Variants in MIF observed in about 807,000 individuals in gnomAD.
MIF encodes the protein macrophage migration inhibitory factor.
MIF carries 16 observed loss-of-function variants against 11.3 expected under a neutral mutation model. The ratio of observed to expected loss-of-function variants is 1.42; its 90% CI spans 0.96 to 2.16. The LOEUF (loss-of-function observed/expected upper bound fraction) is 2.16, where lower values mean the gene tolerates loss of function less well. Ranked by LOEUF, MIF falls within the 30% of genes most tolerant of loss-of-function variation. The probability of loss-of-function intolerance (pLI) is 0.00; values close to 1 mark genes in which losing one functional copy is unlikely to be tolerated. For missense variants in MIF, 229 were observed against 165.3 expected, an observed-to-expected ratio of 1.39 and a Z score of -2.11; for synonymous variants, 83 against 74.2, an observed-to-expected ratio of 1.12 and a Z score of -0.61.
chr22:23,894,497 C>A lies in MIF; in HGVS notation c.23C>A (p.Thr8Asn). MPMFIVNTNVPRASVPDG... is the reference protein window; with the variant it reads MPMFIVNNNVPRASVPDG... The stretch of plus-strand genomic sequence containing the variant: ...ATCATGCCGATGTTCATCGTAAACA[C>A]CAACGTGCCCCGCGCCTCCGTGCCG... The change falls in exon 1 of 3, where the codon ACC becomes AAC. Residue 8 changes from threonine (T) to asparagine (N), a missense_variant. Transcript: ENST00000215754. 1.2e-6 allele frequency: 2 copies of A among 1,613,212 alleles called. No individual in the cohort carries two copies. Among genetic ancestry groups the A allele is most frequent in the Non-Finnish European group, 1.7e-6 (2 of 1,179,810 alleles).
At chr22:23,894,744 G>A (rs1325507846) in intron 1 of MIF, 28 bp from the exon 2 acceptor site, 4 of 1,498,606 alleles carry the variant, frequency 2.7e-6, no homozygotes, top group Non-Finnish European at 3.6e-6. Flanking sequence ...GGTCGCTGGG[G>A]CGGGCTGACC....
intron 1 of MIF, 90 bp downstream of exon 1, chr22:23,894,672 G>T: frequency 2.4e-5 from 36 of 1,480,254 alleles, no homozygotes; most frequent in Non-Finnish European, 3.3e-5. Context: ...GAACGGAGCT[G>T]GGGGGCGGGG....
At position 23,895,223 on chromosome 22, in the gene MIF, A is replaced by C. The variant is rs2033138646; in HGVS notation, c.*117A>C. ...GGGAGAAATAAACGGTTTAGAGACT[A>C]GGAGTGCCTCGGGGTTCCTTGGCTT... On this transcript the variant is annotated 3_prime_UTR_variant, in exon 3 of 3. Coordinates refer to ENST00000215754, the MANE Select transcript of MIF (RefSeq NM_002415.2). 3.5e-6 allele frequency: 4 copies of C among 1,127,506 alleles called. No homozygotes were observed. In the East Asian group the frequency reaches 7.7e-5, roughly 22 times the overall value. 69.8% of individuals were successfully genotyped at this position (1,127,506 alleles called of 1,614,324 possible). A position where few individuals can be genotyped will look rare whatever the true frequency, so the allele number is the denominator to read the frequency against.
chr22:23,894,732 G>A (rs2033123272), intron 1 of MIF, 40 bp from the exon 2 acceptor site: 2 of 1,488,458 alleles, frequency 1.3e-6, no homozygotes, highest in Admixed American at 2.2e-5. Context: ...GGGGCCCGAC[G>A]AGGTCGCTGG....
In MIF at chr22:23,894,798, C is replaced by T. The variant is rs2033125121; in HGVS notation, c.135C>T (p.Asp45=). 1 of 1,553,230 alleles carries T rather than the reference C, an allele frequency of 6.4e-7. No individual in the cohort carries two copies. Residue 45 remains aspartate, a synonymous_variant, in exon 2 of 3, where the codon GAC becomes GAT. Transcript: ENST00000215754. The stretch of plus-strand genomic sequence containing the variant: ...ACATCGCGGTGCACGTGGTCCCGGA[C>T]CAGCTCATGGCCTTCGGCGGCTCCA... The part of the protein sequence containing the change: ...PQYIAVHVVP[D]QLMAFGGSSE...
chr22:23,895,203 A>G lies in MIF; in HGVS notation c.*97A>G, dbSNP rs201308167. 1.5e-6 allele frequency: 2 copies of G among 1,295,714 alleles called. No individual in the cohort carries two copies. The highest frequency in any genetic ancestry group is 2.2e-6 in the Non-Finnish European group (2 of 913,910). 80.3% of individuals were successfully genotyped at this position (1,295,714 alleles called of 1,614,324 possible). ...CCCACCCCAACCTTCTGGTGGGGAG[A>G]AATAAACGGTTTAGAGACTAGGAGT... On this transcript the variant is annotated 3_prime_UTR_variant, in exon 3 of 3. Coordinates refer to ENST00000215754, the MANE Select transcript of MIF (RefSeq NM_002415.2).
In MIF at chr22:23,895,136, G is replaced by A; in HGVS notation, c.*30G>A. The A allele has an allele frequency of 3.2e-6, 5 of 1,550,184 alleles. No individual in the cohort carries two copies. The highest frequency in any genetic ancestry group is 4.4e-6 in the Non-Finnish European group (5 of 1,145,766). ...CGCAGGGACCCACGCTGTCTGCGCTGGCTCCACCCGGGAACCCGCCGCACG... is the reference window on the plus strand; with the variant it reads ...CGCAGGGACCCACGCTGTCTGCGCTAGCTCCACCCGGGAACCCGCCGCACG... On this transcript the variant is annotated 3_prime_UTR_variant, in exon 3 of 3. Coordinates refer to ENST00000215754, the MANE Select transcript of MIF (RefSeq NM_002415.2).
rs200992026 is a variant in MIF at position 23,894,434 on chromosome 22, C to A, written c.-41C>A. 6.6e-7 allele frequency: 1 copy of A among 1,515,414 alleles called. No individual in the cohort carries two copies. The highest frequency in any genetic ancestry group is 9.2e-7 in the Non-Finnish European group (1 of 1,092,654). 93.9% of individuals were successfully genotyped at this position (1,515,414 alleles called of 1,614,324 possible). A position where few individuals can be genotyped will look rare whatever the true frequency, so the allele number is the denominator to read the frequency against. On this transcript the variant is annotated 5_prime_UTR_variant, in exon 1 of 3. Coordinates refer to ENST00000215754, the MANE Select transcript of MIF (RefSeq NM_002415.2). Reference sequence around the variant, plus strand: ...AGCTCAGCGGCGGCCGCGGCGCGTGCGTCTGTGCCTCTGCGCGGGTCTCCT... The same window carrying A: ...AGCTCAGCGGCGGCCGCGGCGCGTGAGTCTGTGCCTCTGCGCGGGTCTCCT...
At position 23,894,590 on chromosome 22, in the gene MIF, G is replaced by C; in HGVS notation, c.108+8G>C. 6.2e-7 allele frequency: 1 copy of C among 1,611,164 alleles called. No individual in the cohort carries two copies. On this transcript the variant is annotated splice_region_variant and intron_variant, in intron 1 of 2. Coordinates refer to ENST00000215754, the MANE Select transcript of MIF (RefSeq NM_002415.2). The stretch of plus-strand genomic sequence containing the variant: ...ACCGGCAAGCCCCCCCAGGTTTGCC[G>C]GGAGGGGACAGGAAGAGGGGGGTGC...
At position 23,894,940 on chromosome 22, in the gene MIF, G is replaced by C. The variant is rs1231694727; in HGVS notation, c.277G>C (p.Asp93His). 1.9e-6 allele frequency: 3 copies of C among 1,553,462 alleles called. No homozygotes were observed. Among genetic ancestry groups the C allele is most frequent in the Admixed American group, 3.9e-5 (2 of 51,420 alleles). Residue 93 changes from aspartate to histidine, a missense_variant, in exon 2 of 3, where the codon GAC (aspartate) becomes CAC (histidine). Coordinates refer to ENST00000215754, the MANE Select transcript of MIF (RefSeq NM_002415.2). ...LLAERLRISP[D>H]RVYINYYDMN... ...GGCCGAGCGCCTGCGCATCAGCCCG[G>C]ACAGGTACGCGGAGTCGCGGAGGGG...
rs1028185376 is a variant in MIF, at chr22:23,894,400, C to T, written c.-75C>T. On this transcript the variant is annotated 5_prime_UTR_variant, in exon 1 of 3. Transcript: ENST00000215754. ...GGGACCACAGTGGTGTCCGAGAAGT[C>T]AGGCACGTAGCTCAGCGGCGGCCGC... The T allele has an allele frequency of 1.6e-6, 2 of 1,244,396 alleles. No homozygotes were observed. Among genetic ancestry groups the T allele is most frequent in the African/African-American group, 2.9e-5 (2 of 67,820 alleles). The allele number at this position is 1,244,396 out of a possible 1,614,324, so 77.1% of individuals were successfully genotyped here.
Position 23,894,884 on chromosome 22 carries a change from G to T in MIF, c.221G>T (p.Arg74Leu). 1 of 1,552,998 alleles carries T rather than the reference G, an allele frequency of 6.4e-7. No homozygotes were observed. Among genetic ancestry groups the T allele is most frequent in the South Asian group, 1.2e-5 (1 of 84,684 alleles). The change falls in exon 2 of 3, where the codon CGC becomes CTC. Residue 74 changes from arginine to leucine, a missense_variant. Arg to Leu is a moderately radical substitution (Grantham distance 102). Coordinates refer to ENST00000215754, the MANE Select transcript of MIF (RefSeq NM_002415.2). Reference sequence around the variant, plus strand: ...GGCAAGATCGGCGGCGCGCAGAACCGCTCCTACAGCAAGCTGCTGTGCGGC... The same window carrying T: ...GGCAAGATCGGCGGCGCGCAGAACCTCTCCTACAGCAAGCTGCTGTGCGGC... ...SIGKIGGAQN[R>L]SYSKLLCGLL...
rs200931484 is a variant in MIF, at chr22:23,894,770, A to G, written c.109-2A>G. On this transcript the variant is annotated splice_acceptor_variant, in intron 1 of 2. Coordinates refer to ENST00000215754, the MANE Select transcript of MIF (RefSeq NM_002415.2). LOFTEE classifies it high-confidence loss of function. ...CGGGCTGACCGCGCCCTTTCCTCGC[A>G]GTACATCGCGGTGCACGTGGTCCCG... 5.4e-5 allele frequency: 82 copies of G among 1,529,044 alleles called. No individual in the cohort carries two copies. Among genetic ancestry groups the G allele is most frequent in the Non-Finnish European group, 6.1e-5 (70 of 1,140,334 alleles). 94.7% of individuals were successfully genotyped at this position (1,529,044 alleles called of 1,614,324 possible).
At position 23,894,464 on chromosome 22, in the gene MIF, C is replaced by T. The variant is rs767895810; in HGVS notation, c.-11C>T. On this transcript the variant is annotated 5_prime_UTR_variant, in exon 1 of 3. Transcript: ENST00000215754. ...GTGCCTCTGCGCGGGTCTCCTGGTC[C>T]TTCTGCCATCATGCCGATGTTCATC... 4.3e-6 allele frequency: 7 copies of T among 1,610,910 alleles called. No homozygotes were observed. Among genetic ancestry groups the T allele is most frequent in the African/African-American group, 4.0e-5 (3 of 74,880 alleles).
rs1254499336 is a variant in MIF, at chr22:23,894,584, T to C, written c.108+2T>C. On this transcript the variant is annotated splice_donor_variant, in intron 1 of 2. Transcript: ENST00000215754. LOFTEE classifies it high-confidence loss of function. ...CAGGCCACCGGCAAGCCCCCCCAGG[T>C]TTGCCGGGAGGGGACAGGAAGAGGG... 1 of 1,611,540 alleles carries C rather than the reference T, an allele frequency of 6.2e-7. No homozygotes were observed. Among genetic ancestry groups the C allele is most frequent in the Non-Finnish European group, 8.5e-7 (1 of 1,179,018 alleles).
chr22:23,894,514 T>G lies in MIF; in HGVS notation c.40T>G (p.Ser14Ala), dbSNP rs1187914662. The change falls in exon 1 of 3, where the codon TCC becomes GCC. Residue 14 changes from serine to alanine, a missense_variant. Ser to Ala is a moderately conservative substitution (Grantham distance 99). Coordinates refer to ENST00000215754, the MANE Select transcript of MIF (RefSeq NM_002415.2). ...CGTAAACACCAACGTGCCCCGCGCC[T>G]CCGTGCCGGACGGGTTCCTCTCCGA... ...FIVNTNVPRA[S>A]VPDGFLSELT... 1 of 1,613,092 alleles carries G rather than the reference T, an allele frequency of 6.2e-7. No homozygotes were observed. The highest frequency in any genetic ancestry group is 2.2e-5 in the East Asian group (1 of 44,876).
At position 23,894,383 on chromosome 22, in the gene MIF, A is replaced by G; in HGVS notation, c.-92A>G. On this transcript the variant is annotated 5_prime_UTR_variant, in exon 1 of 3. Coordinates refer to ENST00000215754, the MANE Select transcript of MIF (RefSeq NM_002415.2). ...GTGGCGTCACAAAAGGCGGGACCAC[A>G]GTGGTGTCCGAGAAGTCAGGCACGT... 9.4e-7 allele frequency: 1 copy of G among 1,066,394 alleles called. No homozygotes were observed. The highest frequency in any genetic ancestry group is 1.4e-6 in the Non-Finnish European group (1 of 694,624). The allele number at this position is 1,066,394 out of a possible 1,614,324, so 66.1% of individuals were successfully genotyped here. A position where few individuals can be genotyped will look rare whatever the true frequency, so the allele number is the denominator to read the frequency against.
Position 23,895,045 on chromosome 22 carries a change from A to G in MIF, c.287A>G (p.Tyr96Cys). ...ERLRISPDRV[Y>C]INYYDMNAAN... ...CCGGCCTCCTCCCCCCGCAGGGTCT[A>G]CATCAACTATTACGACATGAACGCG... Residue 96 changes from tyrosine to cysteine, a missense_variant, in exon 3 of 3, where the codon TAC (tyrosine) becomes TGC (cysteine). Transcript: ENST00000215754. The G allele has an allele frequency of 6.4e-7, 1 of 1,554,614 alleles. No homozygotes were observed.
Position 23,895,015 on chromosome 22 carries a change from T to G in MIF, c.282-25T>G, listed in dbSNP as rs539357375. 2.6e-6 allele frequency: 4 copies of G among 1,541,212 alleles called. No individual in the cohort carries two copies. The East Asian group carries it at 9.8e-5, about 38-fold the overall frequency. On this transcript the variant is annotated intron_variant, in intron 2 of 2. Coordinates refer to ENST00000215754, the MANE Select transcript of MIF (RefSeq NM_002415.2). ...CCAGGCCCGGGACTGAGCCACCCGC[T>G]GAGTCCGGCCTCCTCCCCCCGCAGG...
Sources: allele counts gnomAD v4.1 joint callset, GRCh38; gene constraint gnomAD v4.1.1; transcripts MANE v1.5; gene names NCBI Gene and HGNC (gene_info 2026-07-23, HGNC 2026-07-21).